BSN: variants seen among roughly 807,000 people sequenced by gnomAD.
The protein encoded by BSN is bassoon presynaptic cytomatrix protein, also known as protein bassoon.
A neutral mutation model predicts 264.8 loss-of-function variants in BSN; 57 were observed. That is an observed-to-expected ratio of 0.22 (90% confidence interval 0.17 to 0.27). The LOEUF is 0.27. Among genes scored for constraint, BSN ranks in the 10% least tolerant of loss-of-function variants. The probability of loss-of-function intolerance (pLI) is 1.00; values close to 1 mark genes in which losing one functional copy is unlikely to be tolerated. For synonymous variants in BSN, 2,059 were observed against 2,137.3 expected (o/e 0.96, Z 1.01); for missense variants, 4,615 against 5,232.5 (o/e 0.88, Z 3.64).
At position 49,626,357 on chromosome 3, in the gene BSN, G is replaced by C. The variant is rs543284317; in HGVS notation, c.633+974G>C. On this transcript the variant is annotated intron_variant, in intron 2 of 11. Coordinates refer to ENST00000296452, the MANE Select transcript of BSN (RefSeq NM_003458.4). ...GAGCCGTTTGGACCATGTGGGAGGG[G>C]GCTGAGTGAGAATAATTGTTCACAG... Among the ~76,000 whole-genome samples the C allele has an allele frequency of 2.2e-4, 33 of 152,268 alleles. 1 individual carries two copies. The East Asian group carries it at 6.4e-3, about 29-fold the overall frequency.
intron 1 of BSN, among the ~76,000 whole-genome samples, chr3:49,565,593 T>TA (rs1242948683): frequency 6.6e-6 from 1 of 152,118 alleles, no homozygotes; most frequent in Non-Finnish European, 1.5e-5. Flanking sequence ...GTGCTGGGAT[T>TA]ACAGGCGTGA....
chr3:49,618,059 TCTC>T (rs762427621), intron 1 of BSN, among the ~76,000 whole-genome samples: 1 of 152,112 alleles, frequency 6.6e-6, no homozygotes, highest in Non-Finnish European at 1.5e-5. Context: ...GGTTCTGACA[TCTC>T]CTCTACTCCT....
rs1344267196 is a variant in BSN, at chr3:49,654,376, C to A, written c.4820C>A (p.Pro1607Gln). Residue 1607 changes from proline (P) to glutamine (Q), a missense_variant, in exon 5 of 12, where the codon CCA (proline) becomes CAA (glutamine). Transcript: ENST00000296452. The surrounding 1 kb of genome is among the most constrained non-coding windows in gnomAD (Gnocchi z 4.1). The stretch of plus-strand genomic sequence containing the variant: ...CCTCCGAGTGTGTCTCAGCTGCCCC[C>A]AGAGCCACCTGGGCCACCTGGCTTT... Reference protein sequence around the residue: ...TTPPSVSQLPPEPPGPPGFPR... With the variant: ...TTPPSVSQLPQEPPGPPGFPR... 1 of 1,608,954 alleles carries A rather than the reference C, an allele frequency of 6.2e-7. No individual in the cohort carries two copies. Among genetic ancestry groups the A allele is most frequent in the South Asian group, 1.1e-5 (1 of 89,636 alleles).
At position 49,625,221 on chromosome 3, in the gene BSN, C is replaced by G; in HGVS notation, c.471C>G (p.Ser157=). 6.3e-7 allele frequency: 1 copy of G among 1,583,770 alleles called. No individual in the cohort carries two copies. Among genetic ancestry groups the G allele is most frequent in the Non-Finnish European group, 8.6e-7 (1 of 1,165,780 alleles). ...DRGSTPTSPY[S]VPQIAPLPSS... ...GCAGCACCCCCACATCACCCTACTC[C>G]GTCCCTCAGATCGCCCCCCTTCCCA... Residue 157 remains serine (S), a synonymous_variant, in exon 2 of 12, where the codon TCC becomes TCG. Coordinates refer to ENST00000296452, the MANE Select transcript of BSN (RefSeq NM_003458.4). The surrounding 1 kb of genome is among the most constrained non-coding windows in gnomAD (Gnocchi z 4.4).
rs764440084 is a variant in BSN at position 49,656,771 on chromosome 3, T to A, written c.7215T>A (p.Arg2405=). Reference sequence around the variant, plus strand: ...AACGTGTGGAGCTGCAGAGGCACCGTGAGGAGGAGCAGCTGCTGGTGCAGC... The same window carrying A: ...AACGTGTGGAGCTGCAGAGGCACCGAGAGGAGGAGCAGCTGCTGGTGCAGC... ...ERERVELQRH[R]EEEQLLVQRE... is the part of the protein sequence containing the mutation. The change falls in exon 5 of 12, where the codon CGT becomes CGA. Residue 2405 remains arginine, a synonymous_variant. Coordinates refer to ENST00000296452, the MANE Select transcript of BSN (RefSeq NM_003458.4). The A allele has an allele frequency of 6.3e-7, 1 of 1,582,372 alleles. No individual in the cohort carries two copies. Among genetic ancestry groups the A allele is most frequent in the Non-Finnish European group, 8.6e-7 (1 of 1,164,246 alleles).
In BSN at chr3:49,625,128, C is replaced by T. The variant is rs2052332964; in HGVS notation, c.378C>T (p.Arg126=). The change falls in exon 2 of 12, where the codon CGC becomes CGT. Residue 126 remains arginine, a synonymous_variant. Transcript: ENST00000296452. The surrounding 1 kb of genome is among the most constrained non-coding windows in gnomAD (Gnocchi z 4.4). ...CAGGCCAGGAGGCTGATGGTCCCCG[C>T]AGGACGCTGCAGGTAGACAGCAGGA... ...GPAGQEADGP[R]RTLQVDSRTQ... is the part of the protein sequence containing the mutation. 2.5e-6 allele frequency: 4 copies of T among 1,597,114 alleles called. No individual in the cohort carries two copies. The highest frequency in any genetic ancestry group is 2.3e-5 in the East Asian group (1 of 44,058).
At chr3:49,574,782 C>T (rs1422892681) in intron 1 of BSN, among the ~76,000 whole-genome samples, 1 of 151,880 alleles carries the variant, frequency 6.6e-6, no homozygotes, top group African/African-American at 2.4e-5. Flanking sequence ...AGGCGTGTGC[C>T]ACCATGCTCA....
intron 5 of BSN, among the ~76,000 whole-genome samples, chr3:49,659,212 A>G (rs1177825317): frequency 2.0e-5 from 3 of 152,036 alleles, no homozygotes; most frequent in Non-Finnish European, 4.4e-5. Flanking sequence ...TGGTGTATGC[A>G]GGCCATATAG....
chr3:49,652,188 G>A lies in BSN; in HGVS notation c.2632G>A (p.Gly878Ser). 1 of 1,613,860 alleles carries A rather than the reference G, an allele frequency of 6.2e-7. No homozygotes were observed. Among genetic ancestry groups the A allele is most frequent in the East Asian group, 2.2e-5 (1 of 44,882 alleles). Residue 878 changes from glycine (G) to serine (S), a missense_variant, in exon 5 of 12, where the codon GGC becomes AGC. Around this residue, in one of 3 missense-constraint regions of BSN, gnomAD observed 1,197 missense variants for 1,348.0 expected, o/e 0.89. Coordinates refer to ENST00000296452, the MANE Select transcript of BSN (RefSeq NM_003458.4). ...GLAKHGTQKG[G>S]PRPRPEPSQE... Reference sequence around the variant, plus strand: ...GGCCAAACATGGCACCCAGAAAGGTGGCCCCAGACCCAGGCCTGAGCCTAG... The same window carrying A: ...GGCCAAACATGGCACCCAGAAAGGTAGCCCCAGACCCAGGCCTGAGCCTAG...
At chr3:49,563,577 G>A (rs566649601) in intron 1 of BSN, among the ~76,000 whole-genome samples, 51 of 152,218 alleles carry the variant, frequency 3.4e-4, no homozygotes, top group Non-Finnish European at 7.1e-4. Flanking sequence ...GATACATGTG[G>A]TTCTCTCTGC....
Position 49,602,967 on chromosome 3 carries a change from C to T in BSN, c.225-22008C>T, listed in dbSNP as rs566755617. Among the ~76,000 whole-genome samples the T allele has an allele frequency of 4.5e-4, 69 of 152,358 alleles. 1 individual carries two copies. Among genetic ancestry groups the T allele is most frequent in the Non-Finnish European group, 6.5e-4 (44 of 68,032 alleles). ...GTGTGCTGTGAGTCAGGGCATGGCA[C>T]GGAAGATGCTGACATCCCACGCAGC... On this transcript the variant is annotated intron_variant, in intron 1 of 11. Transcript: ENST00000296452.
At chr3:49,609,763 C>G (rs1443106650) in intron 1 of BSN, among the ~76,000 whole-genome samples, 1 of 152,196 alleles carries the variant, frequency 6.6e-6, no homozygotes, top group Non-Finnish European at 1.5e-5. Context: ...CTGAGTGAGA[C>G]TCCTAAGCAG....
chr3:49,579,468 T>C (rs1234423538), intron 1 of BSN, among the ~76,000 whole-genome samples: 1 of 151,768 alleles, frequency 6.6e-6, no homozygotes, highest in Non-Finnish European at 1.5e-5. Context: ...AGTGGCAGGA[T>C]CTCTGCTCAC....
At chr3:49,637,069 G>A in intron 2 of BSN, among the ~76,000 whole-genome samples, 1 of 152,234 alleles carries the variant, frequency 6.6e-6, no homozygotes, top group East Asian at 1.9e-4. Flanking sequence ...TCCTTTATGA[G>A]CTGTTTCTGT....
rs551472231 is a variant in BSN at position 49,615,103 on chromosome 3, A to G, written c.225-9872A>G. ...TCATGCTGGACTCTTTCTCTCAGCA[A>G]CATCAGAGCAGTCAGAGCTCACTGC... On this transcript the variant is annotated intron_variant, in intron 1 of 11. Transcript: ENST00000296452. Among the ~76,000 whole-genome samples the G allele has an allele frequency of 9.8e-5, 15 of 152,330 alleles. No homozygotes were observed. In the South Asian group the frequency reaches 3.1e-3, roughly 32 times the overall value.
intron 1 of BSN, among the ~76,000 whole-genome samples, chr3:49,623,265 T>C (rs1392515701): frequency 6.6e-6 from 1 of 152,226 alleles, no homozygotes; most frequent in African/African-American, 2.4e-5. Flanking sequence ...CTGCACAGGC[T>C]GGGCCTCCAC....
chr3:49,583,936 C>T (rs538600563), intron 1 of BSN, among the ~76,000 whole-genome samples: 8 of 152,202 alleles, frequency 5.3e-5, no homozygotes, highest in East Asian at 3.9e-4. Context: ...TGCAGTGGCG[C>T]GATCTCGGCT....
intron 1 of BSN, among the ~76,000 whole-genome samples, chr3:49,613,865 G>A (rs1055790299): frequency 2.0e-5 from 3 of 151,894 alleles, no homozygotes; most frequent in African/African-American, 2.4e-5. Context: ...CTCAGGAAAC[G>A]TGGTTTCTAT....
intron 1 of BSN, among the ~76,000 whole-genome samples, chr3:49,608,890 C>G (rs971013938): frequency 6.6e-6 from 1 of 151,480 alleles, no homozygotes; most frequent in African/African-American, 2.4e-5. Flanking sequence ...TCAGCCCTGT[C>G]TGGGCATTTA....
Sources: allele counts gnomAD v4.1 joint callset (sites outside exome capture counted in the v4.1 genomes callset), GRCh38; gene constraint gnomAD v4.1.1; regional missense constraint gnomAD v4.1.1; non-coding constraint Gnocchi (gnomAD v3.1); transcripts MANE v1.5; gene names NCBI Gene and HGNC (gene_info 2026-07-23, HGNC 2026-07-21).